Variants in SLC23A2 observed in about 807,000 individuals in gnomAD.
SLC23A2 encodes the protein solute carrier family 23 member 2.
A neutral mutation model predicts 73.3 loss-of-function variants in SLC23A2; 36 were observed. The ratio of observed to expected loss-of-function variants is 0.49; its 90% confidence interval spans 0.38 to 0.65. The LOEUF is 0.65. Among genes scored for constraint, SLC23A2 ranks in the 30% least tolerant of loss-of-function variants. The pLI is 0.00. For synonymous variants in SLC23A2, 343 were observed against 327.3 expected (o/e 1.05, Z -0.52); for missense variants, 507 against 841.6 (o/e 0.60, Z 4.92).
chr20:4,924,266 C>T (rs540365778), intron 3 of SLC23A2, among the ~76,000 whole-genome samples: 1 of 152,194 alleles, frequency 6.6e-6, no homozygotes, highest in South Asian at 2.1e-4. Flanking sequence ...CCAGCCAACC[C>T]TTCCTCCACT....
At chr20:4,894,912 C>T (rs529747802) in intron 6 of SLC23A2, among the ~76,000 whole-genome samples, 43 of 152,188 alleles carry the variant, frequency 2.8e-4, no homozygotes, top group Non-Finnish European at 5.4e-4. Flanking sequence ...ATGAGGGGGA[C>T]GACTTGACCA....
intron 6 of SLC23A2, among the ~76,000 whole-genome samples, chr20:4,891,943 A>G (rs1781238090): frequency 6.6e-6 from 1 of 151,756 alleles, no homozygotes; most frequent in South Asian, 2.1e-4. Flanking sequence ...TTGTAGAGAC[A>G]AGGTCTCCTT....
Position 5,007,903 on chromosome 20 carries a change from A to G in SLC23A2, c.-282+2279T>C, listed in dbSNP as rs190981628. 4.6e-5 allele frequency among the ~76,000 whole-genome samples: 7 copies of G among 152,056 alleles called. No homozygotes were observed. In the East Asian group the frequency reaches 1.4e-3, roughly 29 times the overall value. On this transcript the variant is annotated intron_variant, in intron 1 of 16. Transcript: ENST00000379333. ...TTCATTGTGATAAAATATATGTATA[A>G]TAAAATTAACTTTTTTTTTTTTTGA...
chr20:4,978,825 A>C (rs1405465485), intron 1 of SLC23A2, among the ~76,000 whole-genome samples: 1 of 152,124 alleles, frequency 6.6e-6, no homozygotes, highest in Non-Finnish European at 1.5e-5. Flanking sequence ...AAACCCCTAA[A>C]ACCTAGCTAG....
intron 1 of SLC23A2, among the ~76,000 whole-genome samples, chr20:4,979,979 G>C (rs1185429178): frequency 6.9e-6 from 1 of 145,198 alleles, no homozygotes; most frequent in Non-Finnish European, 1.5e-5. Context: ...GGAAAAACTG[G>C]CAAAAAAAAC....
intron 1 of SLC23A2, among the ~76,000 whole-genome samples, chr20:4,992,746 G>A (rs1395198661): frequency 6.6e-6 from 1 of 151,656 alleles, no homozygotes. Flanking sequence ...CTGACCTCAG[G>A]TGATCTGCCC....
intron 16 of SLC23A2, 144 bp downstream of exon 16, chr20:4,859,145 A>G (rs1033492229): frequency 1.1e-5 from 7 of 621,390 alleles, no homozygotes; most frequent in Admixed American, 1.1e-4. Flanking sequence ...GAGTGCCATC[A>G]CAACTGTTTT....
chr20:4,918,368 C>T (rs1932395036), intron 3 of SLC23A2, among the ~76,000 whole-genome samples: 2 of 152,158 alleles, frequency 1.3e-5, no homozygotes, highest in Admixed American at 6.5e-5. Context: ...AATCAATCAG[C>T]TATGAAAGGA....
rs1307582574 is a variant in SLC23A2, at chr20:4,857,955, A to ACAAAC, written c.1721-756_1721-752dup. On this transcript the variant is annotated intron_variant, in intron 16 of 16. Coordinates refer to ENST00000338244, the MANE Select transcript of SLC23A2 (RefSeq NM_005116.6). The surrounding 1 kb of genome is among the most constrained non-coding windows in gnomAD (Gnocchi z 4.0). ...TAAAAACAAAACAAAACAAAACAAA[A>ACAAAC]CAAACAACAAAACACACAAAACAAA... Among the ~76,000 whole-genome samples the ACAAAC allele has an allele frequency of 4.0e-5, 6 of 151,844 alleles. No homozygotes were observed. The highest frequency in any genetic ancestry group is 8.8e-5 in the Non-Finnish European group (6 of 68,022).
intron 13 of SLC23A2, among the ~76,000 whole-genome samples, chr20:4,865,425 A>G (rs1930153279): frequency 6.6e-6 from 1 of 152,256 alleles, no homozygotes; most frequent in Non-Finnish European, 1.5e-5. Context: ...ATAGATATTT[A>G]TGAAGCACCC....
chr20:4,911,250 C>T (rs1932136663), intron 4 of SLC23A2, among the ~76,000 whole-genome samples: 1 of 152,190 alleles, frequency 6.6e-6, no homozygotes, highest in Admixed American at 6.5e-5. Flanking sequence ...TGGAACCCCG[C>T]ACTTCTGGAA....
intron 3 of SLC23A2, among the ~76,000 whole-genome samples, chr20:4,925,991 GGGC>G (rs1187262802): frequency 6.6e-6 from 1 of 152,132 alleles, no homozygotes; most frequent in Non-Finnish European, 1.5e-5. Flanking sequence ...GTCCCCCACT[GGGC>G]TGTAAGCAGC....
At position 4,863,701 on chromosome 20, in the gene SLC23A2, G is replaced by A. The variant is rs1424022619; in HGVS notation, c.1357-794C>T. Among the ~76,000 whole-genome samples the A allele has an allele frequency of 6.6e-6, 1 of 152,074 alleles. No homozygotes were observed. Among genetic ancestry groups the A allele is most frequent in the East Asian group, 1.9e-4 (1 of 5,176 alleles). On this transcript the variant is annotated intron_variant, in intron 13 of 16. Coordinates refer to ENST00000338244, the MANE Select transcript of SLC23A2 (RefSeq NM_005116.6). The surrounding 1 kb of genome is among the most constrained non-coding windows in gnomAD (Gnocchi z 4.8). ...CATCCTCTGGTACTCATGAAATAAA[G>A]CCCACTTCTCAGGCTCTTTCCAAGC...
intron 2 of SLC23A2, among the ~76,000 whole-genome samples, chr20:4,946,821 G>C (rs571715040): frequency 4.6e-5 from 7 of 152,306 alleles, no homozygotes; most frequent in Non-Finnish European, 1.0e-4. Context: ...AAAGTAAAAT[G>C]TCAGAGTGGT....
chr20:4,968,942 C>T (rs1435290888), intron 2 of SLC23A2, among the ~76,000 whole-genome samples: 2 of 151,328 alleles, frequency 1.3e-5, no homozygotes, highest in African/African-American at 2.4e-5. Context: ...AGGCTGGTCT[C>T]GAACTCCTGA....
At chr20:4,950,245 G>GT (rs2087179190) in intron 2 of SLC23A2, among the ~76,000 whole-genome samples, 1 of 152,182 alleles carries the variant, frequency 6.6e-6, no homozygotes, top group South Asian at 2.1e-4. Flanking sequence ...AAACCCTTCA[G>GT]TTCAGATGAA....
intron 2 of SLC23A2, among the ~76,000 whole-genome samples, chr20:4,941,261 T>C (rs987857952): frequency 1.3e-5 from 2 of 152,078 alleles, no homozygotes; most frequent in African/African-American, 4.8e-5. Flanking sequence ...TGGTGGCTCA[T>C]GCACGCCTAT....
At chr20:4,990,453 T>G (rs556502360) in intron 1 of SLC23A2, among the ~76,000 whole-genome samples, 1 of 151,844 alleles carries the variant, frequency 6.6e-6, no homozygotes, top group East Asian at 2.0e-4. Context: ...CACTGCAACC[T>G]CCGTTTCCTG....
intron 9 of SLC23A2, among the ~76,000 whole-genome samples, chr20:4,875,126 A>G (rs1930604889): frequency 1.3e-5 from 2 of 152,338 alleles, no homozygotes; most frequent in Non-Finnish European, 2.9e-5. Context: ...ACACACAAAC[A>G]GGTAAGAAGG....
Sources: gnomAD v4.1 joint callset for allele counts (sites outside exome capture counted in the v4.1 genomes callset) on GRCh38, gnomAD v4.1.1 for gene constraint, Gnocchi (gnomAD v3.1) non-coding constraint, MANE v1.5 for transcripts, NCBI Gene and HGNC (gene_info 2026-07-23, HGNC 2026-07-21) for gene names.